Variants in TUBGCP4 observed in about 807,000 individuals in gnomAD.
The protein encoded by TUBGCP4 is tubulin gamma complex component 4, also known as gamma-tubulin complex component 4.
A neutral mutation model predicts 91.6 loss-of-function variants in TUBGCP4; 54 were observed. That is an observed-to-expected ratio of 0.59 (90% CI 0.47 to 0.74). The LOEUF (loss-of-function observed/expected upper bound fraction) is 0.74, where lower values mean the gene tolerates loss of function less well. Ranked by LOEUF, TUBGCP4 falls within the 30% of genes least tolerant of loss-of-function variation. The pLI is 0.00. For synonymous variants in TUBGCP4, 297 were observed against 302.8 expected (o/e 0.98, Z 0.20); for missense variants, 593 against 800.9 (o/e 0.74, Z 3.13).
intron 7 of TUBGCP4, among the ~76,000 whole-genome samples, chr15:43,385,209 A>C (rs2044337275): frequency 6.6e-6 from 1 of 152,238 alleles, no homozygotes; most frequent in Admixed American, 6.5e-5. Flanking sequence ...TGGAATCATC[A>C]GCATGGGGCT....
intron 17 of TUBGCP4, 165 bp downstream of exon 17, chr15:43,404,717 T>C (rs1393679464): frequency 2.7e-6 from 2 of 740,236 alleles, no homozygotes; most frequent in African/African-American, 3.5e-5. Flanking sequence ...TGGAGGTTAT[T>C]TTCTAGTAGA....
intron 15 of TUBGCP4, 144 bp downstream of exon 15, chr15:43,401,994 G>T: frequency 9.4e-7 from 1 of 1,068,732 alleles, no homozygotes; most frequent in African/African-American, 1.6e-5. Context: ...GTAAAGCGGC[G>T]GGGCATGGTG....
At chr15:43,374,210 T>C (rs1359566661) in intron 1 of TUBGCP4, among the ~76,000 whole-genome samples, 2 of 152,224 alleles carry the variant, frequency 1.3e-5, no homozygotes, top group Non-Finnish European at 2.9e-5. Flanking sequence ...GTATCTGATT[T>C]TGTTCACTCT....
intron 7 of TUBGCP4, among the ~76,000 whole-genome samples, chr15:43,384,999 G>A (rs1025599479): frequency 6.6e-6 from 1 of 152,198 alleles, no homozygotes; most frequent in African/African-American, 2.4e-5. Context: ...TGAGTCAAGA[G>A]GGAAGAATCA....
At chr15:43,399,759 T>G (rs908806955) in intron 13 of TUBGCP4, among the ~76,000 whole-genome samples, 11 of 152,216 alleles carry the variant, frequency 7.2e-5, no homozygotes, top group Non-Finnish European at 1.3e-4. Context: ...TCAAAAAGAT[T>G]ATAAGGGTAT....
At position 43,408,030 on chromosome 15, in the gene TUBGCP4, G is replaced by A; in HGVS notation, c.*2816G>A. 3 of 1,614,130 alleles carry A rather than the reference G, an allele frequency of 1.9e-6. No homozygotes were observed. The highest frequency in any genetic ancestry group is 2.5e-6 in the Non-Finnish European group (3 of 1,179,994). On this transcript the variant is annotated 3_prime_UTR_variant, in exon 18 of 18. Transcript: ENST00000564079. ...TCAGACCAGAGCTCCAGGAAGTTCT[G>A]CTGTTGGTCTGATACCAAGAGTACC...
chr15:43,380,739 A>G (rs1262444207), intron 6 of TUBGCP4, among the ~76,000 whole-genome samples: 3 of 152,252 alleles, frequency 2.0e-5, no homozygotes, highest in Non-Finnish European at 2.9e-5. Flanking sequence ...AAGTGTAGGT[A>G]CTATAACATG....
intron 9 of TUBGCP4, among the ~76,000 whole-genome samples, chr15:43,391,064 C>T (rs966749487): frequency 2.7e-5 from 4 of 147,374 alleles, no homozygotes; most frequent in Admixed American, 1.4e-4. Flanking sequence ...CTTACTGTGT[C>T]GCCCGGGCTA....
rs781427855 is a variant in TUBGCP4 at position 43,407,407 on chromosome 15, A to G, written c.*2193A>G. On this transcript the variant is annotated 3_prime_UTR_variant, in exon 18 of 18. Transcript: ENST00000564079. Reference sequence around the variant, plus strand: ...TTTAGTGAGAAACATAATCGTGTTTATATTTTGGATGCTGCTTGAATCCAA... The same window carrying G: ...TTTAGTGAGAAACATAATCGTGTTTGTATTTTGGATGCTGCTTGAATCCAA... 3.7e-6 allele frequency: 6 copies of G among 1,614,080 alleles called. No homozygotes were observed. The highest frequency in any genetic ancestry group is 2.2e-5 in the East Asian group (1 of 44,896).
chr15:43,386,194 C>A lies in TUBGCP4; in HGVS notation c.890-12C>A. 1 of 1,601,894 alleles carries A rather than the reference C, an allele frequency of 6.2e-7. No individual in the cohort carries two copies. Among genetic ancestry groups the A allele is most frequent in the South Asian group, 1.1e-5 (1 of 89,268 alleles). On this transcript the variant is annotated splice_polypyrimidine_tract_variant and intron_variant, in intron 8 of 17. Coordinates refer to ENST00000564079, the MANE Select transcript of TUBGCP4 (RefSeq NM_014444.5). ...CTCCGTCCTCCTTTGACGGTGTCTT[C>A]CTATTTTGCAGGATCCATTTTGAAA...
Position 43,408,101 on chromosome 15 carries a change from C to A in TUBGCP4, c.*2887C>A. On this transcript the variant is annotated 3_prime_UTR_variant, in exon 18 of 18. Coordinates refer to ENST00000564079, the MANE Select transcript of TUBGCP4 (RefSeq NM_014444.5). The stretch of plus-strand genomic sequence containing the variant: ...TTCACGGGGTTGCCTATGAAGGAGA[C>A]AGGAAAGGACCTTAGCATGACAAGT... 1 of 1,612,692 alleles carries A rather than the reference C, an allele frequency of 6.2e-7. No homozygotes were observed.
At position 43,407,327 on chromosome 15, in the gene TUBGCP4, G is replaced by A. The variant is rs893482411; in HGVS notation, c.*2113G>A. The A allele has an allele frequency of 3.5e-5, 53 of 1,524,852 alleles. No individual in the cohort carries two copies. Among genetic ancestry groups the A allele is most frequent in the Admixed American group, 5.1e-5 (3 of 58,552 alleles). 94.5% of individuals were successfully genotyped at this position (1,524,852 alleles called of 1,614,324 possible). A position where few individuals can be genotyped will look rare whatever the true frequency, so the allele number is the denominator to read the frequency against. ...TACACACAAGACACATTTAAAACCT[G>A]GTTAAAACACAATCTCCACGATAGC... On this transcript the variant is annotated 3_prime_UTR_variant, in exon 18 of 18. Transcript: ENST00000564079.
At position 43,376,521 on chromosome 15, in the gene TUBGCP4, C is replaced by A; in HGVS notation, c.226C>A (p.Gln76Lys). The change falls in exon 3 of 18, where the codon CAG becomes AAG. Residue 76 changes from glutamine to lysine, a missense_variant. Transcript: ENST00000564079. ...ATTTCAGGATCACCATCCATCTCAACAGGGCCAAGGTGGGTTACATGGAAT... is the reference window on the plus strand; with the variant it reads ...ATTTCAGGATCACCATCCATCTCAAAAGGGCCAAGGTGGGTTACATGGAAT... ...VQQQDHHPSQ[Q>K]GQGGLHGIYL... 6.2e-7 allele frequency: 1 copy of A among 1,614,236 alleles called. No individual in the cohort carries two copies. Among genetic ancestry groups the A allele is most frequent in the South Asian group, 1.1e-5 (1 of 91,090 alleles).
At chr15:43,375,252 A>G (rs1473356440) in intron 1 of TUBGCP4, among the ~76,000 whole-genome samples, 2 of 152,222 alleles carry the variant, frequency 1.3e-5, no homozygotes, top group African/African-American at 4.8e-5. Flanking sequence ...AGTCAGAGGC[A>G]GTAGAGTGGT....
At position 43,371,178 on chromosome 15, in the gene TUBGCP4, C is replaced by T. The variant is rs1312695858; in HGVS notation, c.-177C>T. On this transcript the variant is annotated 5_prime_UTR_variant, in exon 1 of 18. Coordinates refer to ENST00000564079, the MANE Select transcript of TUBGCP4 (RefSeq NM_014444.5). The stretch of plus-strand genomic sequence containing the variant: ...AACTTCCGGGACTCCCCCGCGACCC[C>T]TTCCCAGCTTCCCGTCCGCTCCGCC... The T allele has an allele frequency of 1.5e-6, 1 of 662,634 alleles. No individual in the cohort carries two copies. Among genetic ancestry groups the T allele is most frequent in the East Asian group, 2.7e-5 (1 of 36,616 alleles). 41.0% of individuals were successfully genotyped at this position (662,634 alleles called of 1,614,324 possible).
chr15:43,402,395 T>G (rs2044704258), intron 15 of TUBGCP4: 1 of 152,724 alleles, frequency 6.5e-6, no homozygotes, highest in African/African-American at 2.4e-5. Flanking sequence ...CAGCTACAGA[T>G]GAAAGAATTA....
chr15:43,381,099 AC>A (rs2142789235), intron 6 of TUBGCP4, among the ~76,000 whole-genome samples: 1 of 152,024 alleles, frequency 6.6e-6, no homozygotes, highest in East Asian at 1.9e-4. Flanking sequence ...GAGCCACCGC[AC>A]CCGGCCACTC....
rs745505124 is a variant in TUBGCP4, at chr15:43,407,347, G to A, written c.*2133G>A. 6.9e-6 allele frequency: 11 copies of A among 1,592,434 alleles called. No individual in the cohort carries two copies. Among genetic ancestry groups the A allele is most frequent in the African/African-American group, 1.3e-5 (1 of 74,586 alleles). ...AACCTGGTTAAAACACAATCTCCACGATAGCAGGGAATAAAACCAGTAAGA... is the reference window on the plus strand; with the variant it reads ...AACCTGGTTAAAACACAATCTCCACAATAGCAGGGAATAAAACCAGTAAGA... On this transcript the variant is annotated 3_prime_UTR_variant, in exon 18 of 18. Transcript: ENST00000564079.
rs779895384 is a variant in TUBGCP4 at position 43,401,762 on chromosome 15, A to G, written c.1643A>G (p.Asn548Ser). 11 of 1,614,166 alleles carry G rather than the reference A, an allele frequency of 6.8e-6. No individual in the cohort carries two copies. Among genetic ancestry groups the G allele is most frequent in the South Asian group, 4.4e-5 (4 of 91,080 alleles). ...SQFSQLLHQI[N>S]STRDFESIRL... Reference sequence around the variant, plus strand: ...TTCTCCCAGCTGCTTCATCAGATCAATTCTACCCGAGACTTTGAAAGCATC... The same window carrying G: ...TTCTCCCAGCTGCTTCATCAGATCAGTTCTACCCGAGACTTTGAAAGCATC... Residue 548 changes from asparagine to serine, a missense_variant, in exon 15 of 18, where the codon AAT (asparagine) becomes AGT (serine). Coordinates refer to ENST00000564079, the MANE Select transcript of TUBGCP4 (RefSeq NM_014444.5).
Sources: gnomAD v4.1 joint callset for allele counts (sites outside exome capture counted in the v4.1 genomes callset) on GRCh38, gnomAD v4.1.1 for gene constraint, MANE v1.5 for transcripts, NCBI Gene and HGNC (gene_info 2026-07-23, HGNC 2026-07-21) for gene names.